Variants in SPTB observed in about 807,000 individuals in gnomAD.
SPTB encodes spectrin beta, erythrocytic, also known as spectrin beta chain, erythrocytic.
A neutral mutation model predicts 256.2 loss-of-function variants in SPTB; 45 were observed. That is an observed-to-expected ratio of 0.18 (90% CI 0.14 to 0.23). SPTB has a LOEUF of 0.23. SPTB is among the 10% of genes least tolerant of loss of function. SPTB has a pLI of 1.00. For synonymous variants in SPTB, 1,231 were observed against 1,243.1 expected, an observed-to-expected ratio of 0.99 and a Z score of 0.21; for missense variants, 2,715 against 3,040.4, an observed-to-expected ratio of 0.89 and a Z score of 2.52.
rs1373054174 is a variant in SPTB, at chr14:64,852,635, G to A, written c.-52+27157C>T. Among the ~76,000 whole-genome samples the A allele has an allele frequency of 6.6e-6, 1 of 152,184 alleles. No individual in the cohort carries two copies. Among genetic ancestry groups the A allele is most frequent in the Non-Finnish European group, 1.5e-5 (1 of 68,038 alleles). On this transcript the variant is annotated intron_variant, in intron 1 of 35. Transcript: ENST00000644917. The surrounding 1 kb of genome is among the most constrained non-coding windows in gnomAD (Gnocchi z 4.2). The stretch of plus-strand genomic sequence containing the variant: ...GCTTACAAAACTATGTAGGATACTG[G>A]TAGGTGAGTGGAAATAGCAAGTGAG...
At chr14:64,862,478 C>T (rs1275108261) in intron 1 of SPTB, among the ~76,000 whole-genome samples, 1 of 151,802 alleles carries the variant, frequency 6.6e-6, no homozygotes, top group Non-Finnish European at 1.5e-5. Context: ...CGCAGTGAGA[C>T]CCCATCTCTG....
Position 64,787,052 on chromosome 14 carries a change from C to A in SPTB, c.2913G>T (p.Thr971=). 1.9e-6 allele frequency: 3 copies of A among 1,613,934 alleles called. No individual in the cohort carries two copies. The highest frequency in any genetic ancestry group is 2.5e-6 in the Non-Finnish European group (3 of 1,180,034). The change falls in exon 16 of 36, where the codon ACG becomes ACT. Residue 971 remains threonine (T), a synonymous_variant. Transcript: ENST00000644917. ...TGGACTCCACTACCTTTGTCTTGTC[C>A]GTGATCCACTTGCTGGTCTCCTCGC... ...VDCEETSKWI[T]DKTKVVESTK...
chr14:64,844,567 G>C lies in SPTB; in HGVS notation c.-51-21422C>G. 6.6e-6 allele frequency among the ~76,000 whole-genome samples: 1 copy of C among 152,254 alleles called. No homozygotes were observed. Among genetic ancestry groups the C allele is most frequent in the East Asian group, 1.9e-4 (1 of 5,198 alleles). Reference sequence around the variant, plus strand: ...AAAGTCACACAACTGTGAGAAGCCTGATGCCGGTCTGACAGCAGAACTTTA... The same window carrying C: ...AAAGTCACACAACTGTGAGAAGCCTCATGCCGGTCTGACAGCAGAACTTTA... On this transcript the variant is annotated intron_variant, in intron 1 of 35. Transcript: ENST00000644917. The surrounding 1 kb of genome is among the most constrained non-coding windows in gnomAD (Gnocchi z 4.1).
rs376479670 is a variant in SPTB, at chr14:64,749,953, G to A, written c.6776+28C>T. ...TAATGCCAAATCAAGCCATCAACCCGAGCTTTCAAAGGCCAGGAAGGCCTC... is the reference window on the plus strand; with the variant it reads ...TAATGCCAAATCAAGCCATCAACCCAAGCTTTCAAAGGCCAGGAAGGCCTC... On this transcript the variant is annotated intron_variant, in intron 34 of 35. Coordinates refer to ENST00000644917, the MANE Select transcript of SPTB (RefSeq NM_001355436.2). The surrounding 1 kb of genome is among the most constrained non-coding windows in gnomAD (Gnocchi z 4.7). The A allele has an allele frequency of 2.6e-5, 42 of 1,613,984 alleles. No individual in the cohort carries two copies. The highest frequency in any genetic ancestry group is 5.3e-5 in the African/African-American group (4 of 74,932).
Position 64,802,196 on chromosome 14 carries a change from A to T in SPTB, c.566+30T>A. 1 of 1,604,386 alleles carries T rather than the reference A, an allele frequency of 6.2e-7. No individual in the cohort carries two copies. Among genetic ancestry groups the T allele is most frequent in the Non-Finnish European group, 8.5e-7 (1 of 1,171,136 alleles). ...GTGCGGAGCAAGGGGCTGGTGGTGG[A>T]TGTGCTAACAGCTGGTTCCCAGGGC... On this transcript the variant is annotated intron_variant, in intron 5 of 35. Coordinates refer to ENST00000644917, the MANE Select transcript of SPTB (RefSeq NM_001355436.2). This position sits in a 1 kb window ranked among gnomAD's most constrained non-coding sequence, Gnocchi z 5.1.
In SPTB at chr14:64,749,560, C is replaced by A; in HGVS notation, c.6820-87G>T. The stretch of plus-strand genomic sequence containing the variant: ...GCAACAATGGTGGGGGCTCTTGGGA[C>A]TGCCCCTTCTGAGGGGGCCTCCAGG... On this transcript the variant is annotated intron_variant, in intron 35 of 35. Transcript: ENST00000644917. The surrounding 1 kb of genome is among the most constrained non-coding windows in gnomAD (Gnocchi z 4.7). 1.2e-6 allele frequency: 2 copies of A among 1,604,042 alleles called. No individual in the cohort carries two copies. The highest frequency in any genetic ancestry group is 1.7e-6 in the Non-Finnish European group (2 of 1,178,508).
In SPTB at chr14:64,841,634, C is replaced by T. The variant is rs1241860800; in HGVS notation, c.-51-18489G>A. 6.6e-6 allele frequency among the ~76,000 whole-genome samples: 1 copy of T among 152,064 alleles called. No individual in the cohort carries two copies. Among genetic ancestry groups the T allele is most frequent in the African/African-American group, 2.4e-5 (1 of 41,372 alleles). On this transcript the variant is annotated intron_variant, in intron 1 of 35. Transcript: ENST00000644917. The surrounding 1 kb of genome is among the most constrained non-coding windows in gnomAD (Gnocchi z 4.6). The stretch of plus-strand genomic sequence containing the variant: ...ACTTTTTCCCCCAAATCGACACAGA[C>T]ATGGAGAAGATAGGAAAGCATTGTG...
In SPTB at chr14:64,793,607, G is replaced by A; in HGVS notation, c.2056C>T (p.Leu686Phe). 1 of 1,614,180 alleles carries A rather than the reference G, an allele frequency of 6.2e-7. No individual in the cohort carries two copies. The highest frequency in any genetic ancestry group is 8.5e-7 in the Non-Finnish European group (1 of 1,180,054). ...QRKHKAFEDE[L>F]RGLDAHLEQI... ...TCCAGGTGAGCATCCAGCCCACGGA[G>A]CTCATCCTCAAAGGCCTTGTGCTTG... Residue 686 changes from leucine to phenylalanine, a missense_variant, in exon 14 of 36, where the codon CTC becomes TTC. Around this residue, in one of 4 missense-constraint regions of SPTB, gnomAD observed 2,239 missense variants for 2,384.4 expected, o/e 0.94. Coordinates refer to ENST00000644917, the MANE Select transcript of SPTB (RefSeq NM_001355436.2). This position sits in a 1 kb window ranked among gnomAD's most constrained non-coding sequence, Gnocchi z 7.0.
intron 1 of SPTB, among the ~76,000 whole-genome samples, chr14:64,863,880 C>A (rs1882000737): frequency 6.6e-6 from 1 of 152,166 alleles, no homozygotes; most frequent in South Asian, 2.1e-4. Flanking sequence ...GCTTGACTAG[C>A]CTTAGCCTCC....
chr14:64,754,128 G>T (rs1309644845), intron 32 of SPTB: 1 of 434,126 alleles, frequency 2.3e-6, no homozygotes, highest in South Asian at 2.2e-5. Context: ...AGGGGTGTGA[G>T]GGGGGGCAGG....
At chr14:64,766,271 T>C in intron 32 of SPTB, 1 of 527,524 alleles carries the variant, frequency 1.9e-6, no homozygotes, top group Non-Finnish European at 2.7e-6. Context: ...TATTTGTGTG[T>C]GCATGCATGT....
intron 32 of SPTB, among the ~76,000 whole-genome samples, chr14:64,765,031 T>TGC: frequency 3.4e-5 from 4 of 118,046 alleles, no homozygotes; most frequent in African/African-American, 1.3e-4. Context: ...TGTGCGTGTG[T>TGC]GTGTGTGTGT....
At chr14:64,865,437 T>C (rs1359052699) in intron 1 of SPTB, among the ~76,000 whole-genome samples, 2 of 152,068 alleles carry the variant, frequency 1.3e-5, no homozygotes, top group Admixed American at 6.5e-5. Context: ...TATTTAGAAG[T>C]ATTGAACCCT....
Position 64,749,229 on chromosome 14 carries a change from G to A in SPTB, c.*77C>T. The A allele has an allele frequency of 4.7e-6, 7 of 1,504,912 alleles. No homozygotes were observed. Among genetic ancestry groups the A allele is most frequent in the Non-Finnish European group, 6.2e-6 (7 of 1,121,608 alleles). The allele number at this position is 1,504,912 out of a possible 1,614,324, so 93.2% of individuals were successfully genotyped here. ...CTCATCTCGATTCGACCGGCGGGCG[G>A]CGGCGAGAGGAGGCCAAGGCCTGGG... On this transcript the variant is annotated 3_prime_UTR_variant, in exon 36 of 36. Transcript: ENST00000644917. The surrounding 1 kb of genome is among the most constrained non-coding windows in gnomAD (Gnocchi z 4.7).
rs139157284 is a variant in SPTB at position 64,862,293 on chromosome 14, C to A, written c.-52+17499G>T. On this transcript the variant is annotated intron_variant, in intron 1 of 35. Coordinates refer to ENST00000644917, the MANE Select transcript of SPTB (RefSeq NM_001355436.2). ...CACTCTCAGCGGCTCTCTCCCTCCC[C>A]TCAAGTGCCAGTGGGCACCACACAC... 1.9e-4 allele frequency among the ~76,000 whole-genome samples: 29 copies of A among 152,278 alleles called. No homozygotes were observed. The East Asian group carries it at 5.6e-3, about 30-fold the overall frequency.
chr14:64,809,474 T>C (rs1031819320), intron 2 of SPTB, among the ~76,000 whole-genome samples: 23 of 151,968 alleles, frequency 1.5e-4, no homozygotes, highest in African/African-American at 5.5e-4. Flanking sequence ...GCCTCCCAAG[T>C]AGCTGGGACT....
intron 18 of SPTB, among the ~76,000 whole-genome samples, chr14:64,784,967 A>AG (rs1234255103): frequency 6.6e-6 from 1 of 152,196 alleles, no homozygotes; most frequent in Non-Finnish European, 1.5e-5. Context: ...AGGTTGAGCA[A>AG]GGACCTTCTG....
rs1266357450 is a variant in SPTB at position 64,796,715 on chromosome 14, C to T, written c.1183G>A (p.Ala395Thr). ...TCAGCTTCCTCCAGGCTTTCCCAGG[C>T]CTGCACAAAGGATGGAATGAGAATT... ...DGKLVSDINRAWESLEEAEYR... is the reference protein window; with the variant it reads ...DGKLVSDINRTWESLEEAEYR... The change falls in exon 11 of 36, where the codon GCC (alanine) becomes ACC (threonine). Residue 395 changes from alanine to threonine, a missense_variant and splice_region_variant. Physicochemically the swap from Ala to Thr is moderately conservative, Grantham distance 58. Transcript: ENST00000644917. The surrounding 1 kb of genome is among the most constrained non-coding windows in gnomAD (Gnocchi z 4.1). 7 of 1,614,080 alleles carry T rather than the reference C, an allele frequency of 4.3e-6. No homozygotes were observed. Among genetic ancestry groups the T allele is most frequent in the Non-Finnish European group, 5.1e-6 (6 of 1,180,054 alleles).
At position 64,769,475 on chromosome 14, in the gene SPTB, C is replaced by T. The variant is rs1198140850; in HGVS notation, c.5937+115G>A. 3 of 1,411,196 alleles carry T rather than the reference C, an allele frequency of 2.1e-6. No homozygotes were observed. The African/African-American group carries it at 4.3e-5, about 20-fold the overall frequency. The allele number at this position is 1,411,196 out of a possible 1,614,324, so 87.4% of individuals were successfully genotyped here. ...TAGCCCCGATCTCCATGAGTGAGAG[C>T]AAGACAAGCTCCTCAGAAAAGCTGC... On this transcript the variant is annotated intron_variant, in intron 28 of 35. Coordinates refer to ENST00000644917, the MANE Select transcript of SPTB (RefSeq NM_001355436.2).
Sources: gnomAD v4.1 joint callset for allele counts (sites outside exome capture counted in the v4.1 genomes callset) on GRCh38, gnomAD v4.1.1 for gene constraint, gnomAD v4.1.1 regional missense constraint, Gnocchi (gnomAD v3.1) non-coding constraint, MANE v1.5 for transcripts, NCBI Gene and HGNC (gene_info 2026-07-23, HGNC 2026-07-21) for gene names.